Variants in WWOX observed in about 807,000 individuals in gnomAD.
WWOX encodes WW domain-containing oxidoreductase.
WWOX carries 69 observed loss-of-function variants against 46.2 expected under a neutral mutation model. That is an observed-to-expected ratio of 1.49 (90% CI 1.23 to 1.82). The LOEUF (loss-of-function observed/expected upper bound fraction) is 1.82, where lower values mean the gene tolerates loss of function less well. Among genes scored for constraint, WWOX ranks in the 40% most tolerant of loss-of-function variants. WWOX has a pLI of 0.00. For synonymous variants in WWOX, 359 were observed against 202.6 expected (o/e 1.77, Z -6.56); for missense variants, 919 against 542.6 (o/e 1.69, Z -6.89).
In WWOX at chr16:78,535,953, G is replaced by C. The variant is rs141286181; in HGVS notation, c.1056+103201G>C. Among the ~76,000 whole-genome samples the C allele has an allele frequency of 4.0e-3, 610 of 152,294 alleles. 11 individuals carry two copies. The highest frequency in any genetic ancestry group is 1.6e-3 in the Non-Finnish European group (106 of 68,028). On this transcript the variant is annotated intron_variant, in intron 8 of 8. Transcript: ENST00000566780. Reference sequence around the variant, plus strand: ...TGAGGTTCTGCGCACAAAATTCGTTGCATAGCACCTGATACACACAAAGCT... The same window carrying C: ...TGAGGTTCTGCGCACAAAATTCGTTCCATAGCACCTGATACACACAAAGCT...
intron 8 of WWOX, among the ~76,000 whole-genome samples, chr16:78,870,369 C>T (rs756172707): frequency 6.6e-6 from 1 of 152,144 alleles, no homozygotes; most frequent in Non-Finnish European, 1.5e-5. Context: ...CATTAAAGGA[C>T]ATCTCCCCTG....
At chr16:78,985,684 G>C (rs141253036) in intron 8 of WWOX, among the ~76,000 whole-genome samples, 1 of 152,190 alleles carries the variant, frequency 6.6e-6, no homozygotes, top group East Asian at 1.9e-4. Context: ...CAGGAGAATT[G>C]CTTGAATCCA....
At chr16:78,945,290 C>T (rs2045927739) in intron 8 of WWOX, among the ~76,000 whole-genome samples, 1 of 152,186 alleles carries the variant, frequency 6.6e-6, no homozygotes, top group Non-Finnish European at 1.5e-5. Context: ...GAATATCAAG[C>T]ACGATTTGAG....
At chr16:78,205,659 A>G (rs1434421325) in intron 5 of WWOX, among the ~76,000 whole-genome samples, 1 of 150,932 alleles carries the variant, frequency 6.6e-6, no homozygotes, top group African/African-American at 2.4e-5. Flanking sequence ...CTACCCACTC[A>G]TCTACCCTTT....
intron 4 of WWOX, among the ~76,000 whole-genome samples, chr16:78,140,529 C>T (rs1344177786): frequency 3.3e-5 from 5 of 152,020 alleles, no homozygotes; most frequent in Admixed American, 3.3e-4. Context: ...CCTTCCTTGC[C>T]TCTTTCAGCT....
chr16:79,005,305 AAC>A (rs2047169608), intron 8 of WWOX, among the ~76,000 whole-genome samples: 1 of 152,164 alleles, frequency 6.6e-6, no homozygotes, highest in African/African-American at 2.4e-5. Flanking sequence ...GAGGAGATGC[AAC>A]ACACAGTTTC....
chr16:78,747,491 C>T lies in WWOX; in HGVS notation c.1056+314739C>T, dbSNP rs187118642. Among the ~76,000 whole-genome samples, 5 of 152,268 alleles carry T rather than the reference C, an allele frequency of 3.3e-5. No individual in the cohort carries two copies. The East Asian group carries it at 7.7e-4, about 24-fold the overall frequency. ...GCTCATTATGTGCCAGCGTTCTTAGCATCTCCCAACAACCCTAGGAGACAG... is the reference window on the plus strand; with the variant it reads ...GCTCATTATGTGCCAGCGTTCTTAGTATCTCCCAACAACCCTAGGAGACAG... On this transcript the variant is annotated intron_variant, in intron 8 of 8. Transcript: ENST00000566780.
At chr16:78,158,694 C>T (rs987624696) in intron 4 of WWOX, among the ~76,000 whole-genome samples, 1 of 151,932 alleles carries the variant, frequency 6.6e-6, no homozygotes, top group Non-Finnish European at 1.5e-5. Context: ...GATCTGTAGT[C>T]CTTTTCTTTA....
intron 8 of WWOX, among the ~76,000 whole-genome samples, chr16:78,446,154 C>G (rs767873948): frequency 1.3e-5 from 2 of 152,188 alleles, no homozygotes; most frequent in East Asian, 1.9e-4. Context: ...ATTCATAAAA[C>G]TAGTTAGTAA....
chr16:78,214,152 C>T (rs997475569), intron 5 of WWOX, among the ~76,000 whole-genome samples: 1 of 152,118 alleles, frequency 6.6e-6, no homozygotes, highest in Non-Finnish European at 1.5e-5. Context: ...GCAGACTGAC[C>T]CCCTGGACCC....
intron 8 of WWOX, among the ~76,000 whole-genome samples, chr16:79,086,450 C>G (rs1306921414): frequency 6.6e-6 from 1 of 152,168 alleles, no homozygotes; most frequent in Non-Finnish European, 1.5e-5. Flanking sequence ...CTTAAGATGA[C>G]CTTTTGAAAA....
intron 8 of WWOX, among the ~76,000 whole-genome samples, chr16:78,813,295 C>A (rs2051241180): frequency 6.7e-6 from 1 of 150,316 alleles, no homozygotes; most frequent in Non-Finnish European, 1.5e-5. Context: ...CTTTTTTTCC[C>A]TCCTAAGCTA....
intron 8 of WWOX, among the ~76,000 whole-genome samples, chr16:78,631,732 C>T (rs961110404): frequency 6.6e-6 from 1 of 151,948 alleles, no homozygotes; most frequent in Non-Finnish European, 1.5e-5. Context: ...CAACATGTTG[C>T]CAAGGCTAGT....
intron 8 of WWOX, among the ~76,000 whole-genome samples, chr16:78,503,102 T>C (rs1159650043): frequency 6.6e-6 from 1 of 152,166 alleles, no homozygotes; most frequent in Non-Finnish European, 1.5e-5. Flanking sequence ...GTTTTTGAGA[T>C]TTATGAGGCC....
chr16:78,194,032 C>G (rs1012470147), intron 5 of WWOX, among the ~76,000 whole-genome samples: 5 of 150,804 alleles, frequency 3.3e-5, no homozygotes, highest in Non-Finnish European at 5.9e-5. Context: ...CGCCCACCAC[C>G]GAGCCCGGCT....
chr16:78,647,554 A>C (rs1171831945), intron 8 of WWOX, among the ~76,000 whole-genome samples: 1 of 152,232 alleles, frequency 6.6e-6, no homozygotes, highest in African/African-American at 2.4e-5. Context: ...CCATCTTCTC[A>C]AAGCTCCACT....
chr16:78,454,464 T>C (rs2083767724), intron 8 of WWOX, among the ~76,000 whole-genome samples: 1 of 151,866 alleles, frequency 6.6e-6, no homozygotes, highest in African/African-American at 2.4e-5. Context: ...TGCTGTTTTT[T>C]TTCCCCTAGG....
intron 8 of WWOX, among the ~76,000 whole-genome samples, chr16:78,792,824 A>G (rs2142605236): frequency 6.6e-6 from 1 of 152,246 alleles, no homozygotes; most frequent in South Asian, 2.1e-4. Flanking sequence ...GGGAGCTCTG[A>G]TTGTCCACAG....
intron 8 of WWOX, among the ~76,000 whole-genome samples, chr16:78,478,371 G>T (rs923332724): frequency 6.6e-6 from 1 of 152,108 alleles, no homozygotes; most frequent in Admixed American, 6.6e-5. Flanking sequence ...GAGCTCATTT[G>T]ATCTGGTTCT....
Sources: gnomAD v4.1 joint callset for allele counts (sites outside exome capture counted in the v4.1 genomes callset) on GRCh38, gnomAD v4.1.1 for gene constraint, MANE v1.5 for transcripts, NCBI Gene and HGNC (gene_info 2026-07-23, HGNC 2026-07-21) for gene names.